C13orf42: variants seen among roughly 807,000 people sequenced by gnomAD.
C13orf42 encodes chromosome 13 open reading frame 42, also known as uncharacterized protein C13orf42.
intron 1 of C13orf42, among the ~76,000 whole-genome samples, chr13:51,142,110 G>A (rs1286886577): frequency 1.1e-4 from 16 of 152,186 alleles, no homozygotes; most frequent in Admixed American, 1.0e-3. Flanking sequence ...ATTGATACAG[G>A]TTTAATGAAA....
intron 1 of C13orf42, among the ~76,000 whole-genome samples, chr13:51,122,271 C>T (rs1310837803): frequency 2.0e-5 from 3 of 151,868 alleles, no homozygotes; most frequent in Non-Finnish European, 2.9e-5. Context: ...CAGTGGCTCA[C>T]GCCTGTAATC....
chr13:51,142,949 A>T (rs1219429262), intron 1 of C13orf42, among the ~76,000 whole-genome samples: 1 of 152,210 alleles, frequency 6.6e-6, no homozygotes, highest in Admixed American at 6.5e-5. Context: ...TATATTTTTT[A>T]AAAACCTGAA....
chr13:51,165,078 T>A (rs948388596), intron 1 of C13orf42, among the ~76,000 whole-genome samples: 1 of 152,178 alleles, frequency 6.6e-6, no homozygotes, highest in African/African-American at 2.4e-5. Context: ...CCATGTTCCA[T>A]CCTCCTATCC....
upstream of C13orf42, among the ~76,000 whole-genome samples, chr13:51,114,609 A>G (rs975195027): frequency 2.7e-5 from 4 of 150,012 alleles, no homozygotes; most frequent in Admixed American, 6.7e-5. Flanking sequence ...TCTACTACAG[A>G]TAGATGATAG....
intron 1 of C13orf42, among the ~76,000 whole-genome samples, chr13:51,154,666 C>G (rs2138041900): frequency 6.6e-6 from 1 of 152,316 alleles, no homozygotes; most frequent in East Asian, 1.9e-4. Context: ...GTAGAACATT[C>G]TGGAACTGGT....
rs575235558 is a variant in C13orf42, at chr13:51,099,034, TG to T, written c.415-10960del. 1.6e-3 allele frequency among the ~76,000 whole-genome samples: 244 copies of T among 152,280 alleles called. No homozygotes were observed. The Middle Eastern group carries it at 0.024, about 15-fold the overall frequency. The stretch of plus-strand genomic sequence containing the variant: ...GATCATTCAACTGGGTGAAATTAAA[TG>T]CAAAACAAGCCAAATTTACCCACAA... On this transcript the variant is annotated intron_variant, in intron 1 of 3. Transcript: ENST00000563710.
chr13:51,110,609 A>G (rs4942948), intron 1 of C13orf42, among the ~76,000 whole-genome samples, 187 bp downstream of exon 1: 30,755 of 152,212 alleles, frequency 0.2, 3,822 homozygotes, highest in South Asian at 0.3. Flanking sequence ...TGAGTAATAA[A>G]CATGGGCTTA....
intron 1 of C13orf42, among the ~76,000 whole-genome samples, chr13:51,097,313 T>C (rs1953245133): frequency 6.6e-6 from 1 of 152,238 alleles, no homozygotes; most frequent in Non-Finnish European, 1.5e-5. Flanking sequence ...GTTCTGGGTG[T>C]CTTAATGAGG....
At chr13:51,120,739 T>C (rs7989750) in intron 1 of C13orf42, among the ~76,000 whole-genome samples, 34,703 of 151,942 alleles carry the variant, frequency 0.23, 4,208 homozygotes, top group African/African-American at 0.32. Flanking sequence ...CCGTCATAGG[T>C]GAGGTGGCTC....
chr13:51,093,225 A>G (rs1021594497), intron 1 of C13orf42, among the ~76,000 whole-genome samples: 1 of 152,196 alleles, frequency 6.6e-6, no homozygotes, highest in Admixed American at 6.5e-5. Flanking sequence ...AAGAATCTGC[A>G]TCTCTTGTTC....
intron 1 of C13orf42, among the ~76,000 whole-genome samples, chr13:51,127,259 A>T (rs944748053): frequency 3.3e-5 from 5 of 152,254 alleles, no homozygotes; most frequent in Non-Finnish European, 5.9e-5. Flanking sequence ...AATAACAACC[A>T]AGAAGGAATA....
chr13:51,159,944 G>A (rs61310835), intron 1 of C13orf42, among the ~76,000 whole-genome samples: 1,918 of 152,274 alleles, frequency 0.013, 46 homozygotes, highest in African/African-American at 0.042. Context: ...TTCTTACGTG[G>A]CAGCAGCAAG....
intron 1 of C13orf42, among the ~76,000 whole-genome samples, chr13:51,145,760 AGCTCCCTCTCT>A (rs1953729584): frequency 6.6e-6 from 1 of 152,146 alleles, no homozygotes; most frequent in Non-Finnish European, 1.5e-5. Flanking sequence ...GTGACCTGGA[AGCTCCCTCTCT>A]GCTTCCAGTC....
intron 1 of C13orf42, among the ~76,000 whole-genome samples, chr13:51,148,006 G>A (rs771088437): frequency 2.0e-5 from 3 of 152,166 alleles, no homozygotes; most frequent in African/African-American, 4.8e-5. Context: ...GAATCATAGG[G>A]TCCCTGGGCT....
chr13:51,171,770 G>A (rs903511983), intron 1 of C13orf42, among the ~76,000 whole-genome samples: 33 of 152,056 alleles, frequency 2.2e-4, no homozygotes, highest in Non-Finnish European at 3.7e-4. Flanking sequence ...ATCAGATAGC[G>A]TTTAGGCTCT....
chr13:51,153,643 T>C (rs1449232499), intron 1 of C13orf42, among the ~76,000 whole-genome samples: 3 of 136,768 alleles, frequency 2.2e-5, no homozygotes, highest in African/African-American at 5.4e-5. Context: ...TTTTTTTTTT[T>C]TTTTTTTTTT....
intron 1 of C13orf42, among the ~76,000 whole-genome samples, chr13:51,142,748 C>T (rs1953705466): frequency 6.6e-6 from 1 of 150,996 alleles, no homozygotes. Context: ...GAAAGTAATA[C>T]AAATAAAGAG....
intron 1 of C13orf42, among the ~76,000 whole-genome samples, chr13:51,144,696 A>T (rs892619289): frequency 3.9e-5 from 6 of 152,212 alleles, no homozygotes; most frequent in African/African-American, 1.4e-4. Flanking sequence ...TAAGTAAAGA[A>T]TGTCACTTTC....
At chr13:51,143,749 T>C (rs1953714485) in intron 1 of C13orf42, among the ~76,000 whole-genome samples, 1 of 152,228 alleles carries the variant, frequency 6.6e-6, no homozygotes, top group Non-Finnish European at 1.5e-5. Context: ...TATGTCTTTT[T>C]CTAACCTAAT....
Sources: gnomAD v4.1 joint callset for allele counts (sites outside exome capture counted in the v4.1 genomes callset) on GRCh38, gnomAD v4.1.1 for gene constraint, MANE v1.5 for transcripts, NCBI Gene and HGNC (gene_info 2026-07-23, HGNC 2026-07-21) for gene names.